Variants in METTL8 observed in about 807,000 individuals in gnomAD.
METTL8 encodes methyltransferase 8, tRNA N3-cytidine, also known as tRNA N(3)-cytidine methyltransferase METTL8, mitochondrial.
In METTL8, 32 loss-of-function variants were observed where a neutral mutation model predicts 48.7. That is an observed-to-expected ratio of 0.66 (90% confidence interval 0.50 to 0.88). The LOEUF is 0.88. Ranked by LOEUF, METTL8 falls within the 40% of genes least tolerant of loss-of-function variation. The probability of loss-of-function intolerance (pLI) is 0.00; values close to 1 mark genes in which losing one functional copy is unlikely to be tolerated. For synonymous variants in METTL8, 136 were observed against 157.1 expected, an observed-to-expected ratio of 0.87 and a Z score of 1.01; for missense variants, 464 against 474.4, an observed-to-expected ratio of 0.98 and a Z score of 0.20.
intron 3 of METTL8, among the ~76,000 whole-genome samples, chr2:171,348,896 A>G (rs535082831): frequency 2.6e-5 from 4 of 152,318 alleles, no homozygotes; most frequent in South Asian, 4.1e-4. Flanking sequence ...TAGAGAGAAT[A>G]TAAGAGTTGG....
At chr2:171,388,997 ACTCC>A (rs1433793975) in intron 2 of METTL8, among the ~76,000 whole-genome samples, 2 of 152,220 alleles carry the variant, frequency 1.3e-5, no homozygotes, top group Non-Finnish European at 2.9e-5. Flanking sequence ...AGGTTCCCCT[ACTCC>A]CTGAGACAAA....
At chr2:171,423,272 G>C (rs908458945) in intron 1 of METTL8, among the ~76,000 whole-genome samples, 2 of 152,150 alleles carry the variant, frequency 1.3e-5, no homozygotes, top group African/African-American at 4.8e-5. Flanking sequence ...TTAGTAACGT[G>C]AGAACAGACT....
At chr2:171,382,073 C>T (rs754074795) in intron 2 of METTL8, among the ~76,000 whole-genome samples, 2 of 152,238 alleles carry the variant, frequency 1.3e-5, no homozygotes, top group Non-Finnish European at 1.5e-5. Flanking sequence ...TGAGCCACCG[C>T]GCCCAGCCAG....
At chr2:171,365,547 T>C (rs1258548464) in intron 2 of METTL8, among the ~76,000 whole-genome samples, 1 of 152,186 alleles carries the variant, frequency 6.6e-6, no homozygotes, top group African/African-American at 2.4e-5. Flanking sequence ...TTATTCAGTT[T>C]CTTTCTAATT....
At chr2:171,398,568 G>C (rs933848168) in intron 1 of METTL8, among the ~76,000 whole-genome samples, 48 of 152,118 alleles carry the variant, frequency 3.2e-4, no homozygotes, top group African/African-American at 1.0e-3. Flanking sequence ...GGGAGACGTA[G>C]ATCAAAGGAT....
chr2:171,396,706 AAT>A (rs1689097241), intron 1 of METTL8, among the ~76,000 whole-genome samples: 1 of 152,266 alleles, frequency 6.6e-6, no homozygotes. Context: ...GAAATTAGAA[AAT>A]ATGTTGAACT....
chr2:171,369,026 C>T lies in METTL8; in HGVS notation c.144-8513G>A, dbSNP rs72625233. 0.025 allele frequency among the ~76,000 whole-genome samples: 3,757 copies of T among 152,152 alleles called. 627 individuals carry two copies. The East Asian group carries it at 0.47, about 19-fold the overall frequency. ...AAGGCTATTAAAAACTCCTCTCCAG[C>T]CAGGCGCGGTGGCTCATGCCTGTGA... On this transcript the variant is annotated intron_variant, in intron 2 of 9. Coordinates refer to ENST00000375258, the MANE Select transcript of METTL8 (RefSeq NM_001321154.2).
At chr2:171,414,228 A>G (rs1363624510) in intron 1 of METTL8, among the ~76,000 whole-genome samples, 3 of 152,014 alleles carry the variant, frequency 2.0e-5, no homozygotes, top group Non-Finnish European at 4.4e-5. Flanking sequence ...GACCAGCCTG[A>G]CCAACGTGGA....
chr2:171,355,978 C>T (rs1684493485), intron 3 of METTL8, among the ~76,000 whole-genome samples: 1 of 152,158 alleles, frequency 6.6e-6, no homozygotes, highest in Admixed American at 6.5e-5. Flanking sequence ...CACTGTCCTG[C>T]ACCCACTGTC....
At chr2:171,330,467 T>C in intron 7 of METTL8, 92 bp downstream of exon 7, 2 of 1,238,970 alleles carry the variant, frequency 1.6e-6, no homozygotes, top group Admixed American at 2.3e-5. Flanking sequence ...AATAATAAAT[T>C]CAAAAATTGT....
At chr2:171,343,377 T>G (rs918576881) in intron 3 of METTL8, among the ~76,000 whole-genome samples, 1 of 151,908 alleles carries the variant, frequency 6.6e-6, no homozygotes, top group Admixed American at 6.6e-5. Context: ...AGGCGGAGGT[T>G]GCGGTGAGCT....
intron 5 of METTL8, among the ~76,000 whole-genome samples, chr2:171,334,005 C>A (rs922933772): frequency 6.6e-6 from 1 of 152,046 alleles, no homozygotes; most frequent in Non-Finnish European, 1.5e-5. Flanking sequence ...CTATTATTAT[C>A]ATCACTATTA....
chr2:171,339,053 A>G, intron 4 of METTL8, 131 bp downstream of exon 4: 1 of 666,816 alleles, frequency 1.5e-6, no homozygotes, highest in Non-Finnish European at 2.3e-6. Flanking sequence ...TTATGCACAG[A>G]AGTACACTGA....
intron 2 of METTL8, among the ~76,000 whole-genome samples, chr2:171,362,595 A>C (rs73976148): frequency 1.6e-4 from 24 of 151,168 alleles, no homozygotes; most frequent in African/African-American, 5.8e-4. Context: ...ATAAATAAAT[A>C]AATAAATCAA....
intron 2 of METTL8, among the ~76,000 whole-genome samples, chr2:171,373,227 A>G (rs2105507391): frequency 6.6e-6 from 1 of 152,284 alleles, no homozygotes; most frequent in South Asian, 2.1e-4. Flanking sequence ...CATTTCTCTG[A>G]TGGCCAGTGA....
chr2:171,431,396 C>A (rs984215201), intron 1 of METTL8, among the ~76,000 whole-genome samples: 4 of 152,194 alleles, frequency 2.6e-5, no homozygotes, highest in Admixed American at 2.6e-4. Flanking sequence ...TTTCAGGACC[C>A]CTTTCTTTAC....
At chr2:171,360,784 C>T (rs1313157356) in intron 2 of METTL8, among the ~76,000 whole-genome samples, 2 of 152,170 alleles carry the variant, frequency 1.3e-5, no homozygotes, top group Non-Finnish European at 2.9e-5. Context: ...CCTCAGAACA[C>T]CCTGGTGTAT....
chr2:171,367,017 A>T (rs1685797810), intron 2 of METTL8, among the ~76,000 whole-genome samples: 3 of 152,176 alleles, frequency 2.0e-5, no homozygotes, highest in Admixed American at 2.0e-4. Context: ...ATTGAAAAAA[A>T]GTGTGAGTCT....
At chr2:171,335,123 AGAAAAAG>A (rs1685949258) in intron 5 of METTL8, among the ~76,000 whole-genome samples, 1 of 152,206 alleles carries the variant, frequency 6.6e-6, no homozygotes, top group Admixed American at 6.5e-5. Context: ...CCCAGAAACT[AGAAAAAG>A]GAAAACAAAA....
Sources: allele counts gnomAD v4.1 joint callset (sites outside exome capture counted in the v4.1 genomes callset), GRCh38; gene constraint gnomAD v4.1.1; transcripts MANE v1.5; gene names NCBI Gene and HGNC (gene_info 2026-07-23, HGNC 2026-07-21).